Variants in GRIK1 observed in about 807,000 individuals in gnomAD.
GRIK1 encodes the protein glutamate receptor ionotropic, kainate 1.
In GRIK1, 69 loss-of-function variants were observed where a neutral mutation model predicts 105.7. The observed-to-expected ratio is 0.65, with a 90% CI of 0.54 to 0.80. The LOEUF is 0.80. Among genes scored for constraint, GRIK1 ranks in the 30% least tolerant of loss-of-function variants. The pLI, the probability that GRIK1 is intolerant of heterozygous loss-of-function variation, is 0.00. For missense variants in GRIK1, 1,109 were observed against 1,167.3 expected, an observed-to-expected ratio of 0.95 and a Z score of 0.73; for synonymous variants, 438 against 431.3, an observed-to-expected ratio of 1.02 and a Z score of -0.19.
intron 1 of GRIK1, among the ~76,000 whole-genome samples, chr21:29,781,686 C>T (rs1446108908): frequency 6.2e-5 from 4 of 64,086 alleles, no homozygotes; most frequent in African/African-American, 1.3e-4. Flanking sequence ...TTTTTTGAGA[C>T]GGAGTCTCGC....
chr21:29,888,363 C>G, intron 1 of GRIK1, among the ~76,000 whole-genome samples: 1 of 150,070 alleles, frequency 6.7e-6, no homozygotes, highest in Non-Finnish European at 1.5e-5. Context: ...CTCCTGGGTT[C>G]AAGAGATCCT....
intron 3 of GRIK1, among the ~76,000 whole-genome samples, chr21:29,685,268 T>C (rs1373176035): frequency 6.6e-6 from 1 of 152,216 alleles, no homozygotes; most frequent in Non-Finnish European, 1.5e-5. Flanking sequence ...TATGCAAATA[T>C]GTGCTGTCTT....
At chr21:29,580,930 A>G (rs940736061) in intron 13 of GRIK1, among the ~76,000 whole-genome samples, 5 of 152,190 alleles carry the variant, frequency 3.3e-5, no homozygotes, top group Admixed American at 6.5e-5. Flanking sequence ...ATGGTTACCA[A>G]TTGAGGGAGA....
chr21:29,905,191 C>T (rs1307326087), intron 1 of GRIK1, among the ~76,000 whole-genome samples: 1 of 152,056 alleles, frequency 6.6e-6, no homozygotes, highest in Non-Finnish European at 1.5e-5. Flanking sequence ...AATTTTGGCT[C>T]CTTCCTTACT....
intron 7 of GRIK1, among the ~76,000 whole-genome samples, chr21:29,629,769 G>A (rs552479798): frequency 6.6e-6 from 1 of 152,300 alleles, no homozygotes; most frequent in African/African-American, 2.4e-5. Flanking sequence ...GATTACAGGC[G>A]TGAGCCACCG....
At chr21:29,802,256 T>C (rs1402749815) in intron 1 of GRIK1, among the ~76,000 whole-genome samples, 1 of 152,126 alleles carries the variant, frequency 6.6e-6, no homozygotes, top group Non-Finnish European at 1.5e-5. Context: ...TTTTAGAAAA[T>C]ATATTTATGA....
At chr21:29,899,431 A>G (rs1283246551) in intron 1 of GRIK1, among the ~76,000 whole-genome samples, 1 of 152,194 alleles carries the variant, frequency 6.6e-6, no homozygotes, top group Non-Finnish European at 1.5e-5. Context: ...CCAGTCCTTC[A>G]AAGTTTTTCA....
At chr21:29,649,956 T>C (rs1028086980) in intron 6 of GRIK1, among the ~76,000 whole-genome samples, 1 of 152,200 alleles carries the variant, frequency 6.6e-6, no homozygotes, top group African/African-American at 2.4e-5. Context: ...ATTAGCGTGC[T>C]TCTCCCTCTG....
intron 1 of GRIK1, among the ~76,000 whole-genome samples, chr21:29,768,165 T>C (rs542357686): frequency 1.3e-5 from 2 of 152,172 alleles, no homozygotes; most frequent in Non-Finnish European, 2.9e-5. Context: ...ATGGGGAAGA[T>C]GTTCTTCAGG....
At chr21:29,820,018 A>G (rs954157473) in intron 1 of GRIK1, among the ~76,000 whole-genome samples, 23 of 152,086 alleles carry the variant, frequency 1.5e-4, no homozygotes, top group Admixed American at 9.8e-4. Context: ...AGATGTGACC[A>G]AAGAAAGCTG....
intron 7 of GRIK1, among the ~76,000 whole-genome samples, chr21:29,613,236 G>C (rs902541703): frequency 1.6e-4 from 24 of 152,124 alleles, no homozygotes; most frequent in African/African-American, 5.3e-4. Context: ...ATTACTCATA[G>C]AGCAGTTTGC....
At chr21:29,580,810 C>T (rs540038940) in intron 13 of GRIK1, among the ~76,000 whole-genome samples, 1 of 152,004 alleles carries the variant, frequency 6.6e-6, no homozygotes, top group Non-Finnish European at 1.5e-5. Flanking sequence ...AATAGCTCCC[C>T]CTTCCCCCAC....
intron 16 of GRIK1, among the ~76,000 whole-genome samples, chr21:29,550,616 G>A (rs758054929): frequency 6.1e-4 from 93 of 152,080 alleles, no homozygotes; most frequent in Non-Finnish European, 1.2e-3. Flanking sequence ...TCCTTCTTTC[G>A]AGTGCAGTGA....
chr21:29,800,061 A>G (rs955345692), intron 1 of GRIK1, among the ~76,000 whole-genome samples: 2 of 152,226 alleles, frequency 1.3e-5, no homozygotes, highest in African/African-American at 4.8e-5. Context: ...ACAGCTTGCA[A>G]AGTACATCGT....
At chr21:29,542,845 G>A (rs927854671) in intron 16 of GRIK1, among the ~76,000 whole-genome samples, 11 of 152,078 alleles carry the variant, frequency 7.2e-5, no homozygotes, top group Non-Finnish European at 1.5e-4. Flanking sequence ...CCCTTTAATA[G>A]GCTCCTTATT....
chr21:29,881,505 A>G (rs2069407656), intron 1 of GRIK1, among the ~76,000 whole-genome samples: 1 of 152,126 alleles, frequency 6.6e-6, no homozygotes, highest in African/African-American at 2.4e-5. Context: ...TGCAAGGGTC[A>G]GATTCATCTA....
At chr21:29,627,647 C>T (rs189842139) in intron 7 of GRIK1, among the ~76,000 whole-genome samples, 2 of 152,300 alleles carry the variant, frequency 1.3e-5, no homozygotes, top group Admixed American at 1.3e-4. Flanking sequence ...AGTTCTTACA[C>T]CTCAGTTCAA....
chr21:29,687,293 G>A (rs1466106462), intron 3 of GRIK1, among the ~76,000 whole-genome samples: 1 of 151,946 alleles, frequency 6.6e-6, no homozygotes, highest in African/African-American at 2.4e-5. Flanking sequence ...GTGTAGGGGC[G>A]GGTGCTAAGC....
intron 1 of GRIK1, among the ~76,000 whole-genome samples, chr21:29,921,622 C>T (rs776588890): frequency 6.6e-6 from 1 of 151,926 alleles, no homozygotes. Context: ...TGAGTTTTCA[C>T]GAATCAAATA....
Sources: gnomAD v4.1 joint callset for allele counts (sites outside exome capture counted in the v4.1 genomes callset) on GRCh38, gnomAD v4.1.1 for gene constraint, MANE v1.5 for transcripts, NCBI Gene and HGNC (gene_info 2026-07-23, HGNC 2026-07-21) for gene names.